The following YIPF4 variants were observed in gnomAD, a reference collection of about 807,000 sequenced individuals.
The protein encoded by YIPF4 is protein YIPF4.
YIPF4 carries 18 observed loss-of-function variants against 29.4 expected under a neutral mutation model. That is an observed-to-expected ratio of 0.61 (90% CI 0.42 to 0.91). The LOEUF (loss-of-function observed/expected upper bound fraction) is 0.91. YIPF4 is among the 40% of genes least tolerant of loss of function. The probability of loss-of-function intolerance (pLI) is 0.00; values close to 1 mark genes in which losing one functional copy is unlikely to be tolerated. For synonymous variants in YIPF4, 115 were observed against 104.7 expected, an observed-to-expected ratio of 1.10 and a Z score of -0.60; for missense variants, 279 against 282.7, an observed-to-expected ratio of 0.99 and a Z score of 0.09.
chr2:32,307,312 G>A lies in YIPF4; in HGVS notation c.*1686G>A, dbSNP rs1217813532. On this transcript the variant is annotated 3_prime_UTR_variant, in exon 6 of 6. Transcript: ENST00000238831. ...TCTTTCACAGAAAGCTTGGGGGTCA[G>A]GACCAGGAGGTAGAATTTTACAAGG... The A allele has an allele frequency of 2.8e-5, 7 of 253,508 alleles. No individual in the cohort carries two copies. The highest frequency in any genetic ancestry group is 5.1e-5 in the Non-Finnish European group (7 of 136,898). The allele number at this position is 253,508 out of a possible 1,614,324, so 15.7% of individuals were successfully genotyped here. A position where few individuals can be genotyped will look rare whatever the true frequency, so the allele number is the denominator to read the frequency against.
chr2:32,299,241 C>A (rs2031307449), intron 4 of YIPF4, among the ~76,000 whole-genome samples: 1 of 152,072 alleles, frequency 6.6e-6, no homozygotes, highest in Non-Finnish European at 1.5e-5. Context: ...TAACAATAAA[C>A]CAACTACATT....
chr2:32,306,380 G>A lies in YIPF4; in HGVS notation c.*754G>A, dbSNP rs1270175451. ...TTTCTGTTTATCTTTCTGACCAAAG[G>A]AGCAAGAGGTATAATGGATATGGCA... On this transcript the variant is annotated 3_prime_UTR_variant, in exon 6 of 6. Coordinates refer to ENST00000238831, the MANE Select transcript of YIPF4 (RefSeq NM_032312.4). 1.0e-6 allele frequency: 1 copy of A among 985,460 alleles called. No homozygotes were observed. Among genetic ancestry groups the A allele is most frequent in the Non-Finnish European group, 1.2e-6 (1 of 829,794 alleles). The allele number at this position is 985,460 out of a possible 1,614,324, so 61.0% of individuals were successfully genotyped here.
At position 32,310,897 on chromosome 2, in the gene YIPF4, A is replaced by C. The variant is rs1336021588; in HGVS notation, c.*5271A>C. On this transcript the variant is annotated 3_prime_UTR_variant, in exon 6 of 6. Coordinates refer to ENST00000238831, the MANE Select transcript of YIPF4 (RefSeq NM_032312.4). The stretch of plus-strand genomic sequence containing the variant: ...TCTCAGAAAAGAAAAAAAAAGTAAA[A>C]ATTGCATGTAAGTTGACCCGCACTA... 6.6e-6 allele frequency: 1 copy of C among 151,588 alleles called. No individual in the cohort carries two copies. Among genetic ancestry groups the C allele is most frequent in the Non-Finnish European group, 1.5e-5 (1 of 67,946 alleles). The allele number at this position is 151,588 out of a possible 1,614,324, so 9.4% of individuals were successfully genotyped here. A position where few individuals can be genotyped will look rare whatever the true frequency, so the allele number is the denominator to read the frequency against.
At chr2:32,285,949 A>G (rs1004809244) in intron 1 of YIPF4, among the ~76,000 whole-genome samples, 9 of 152,198 alleles carry the variant, frequency 5.9e-5, no homozygotes, top group Non-Finnish European at 1.3e-4. Flanking sequence ...TTTCTATACA[A>G]TATGCTGGTG....
chr2:32,305,334 A>G (rs2031539166), intron 5 of YIPF4, among the ~76,000 whole-genome samples, 155 bp from the exon 6 acceptor site: 1 of 152,228 alleles, frequency 6.6e-6, no homozygotes, highest in Non-Finnish European at 1.5e-5. Context: ...GACATTCTTA[A>G]TAAGTTTTTA....
At chr2:32,304,910 C>T (rs570405011) in intron 5 of YIPF4, among the ~76,000 whole-genome samples, 1 of 152,132 alleles carries the variant, frequency 6.6e-6, no homozygotes, top group African/African-American at 2.4e-5. Flanking sequence ...AAAATGTGAT[C>T]TTTTTATCTC....
rs985403858 is a variant in YIPF4 at position 32,293,119 on chromosome 2, C to A, written c.405+771C>A. Among the ~76,000 whole-genome samples, 78 of 149,260 alleles carry A rather than the reference C, an allele frequency of 5.2e-4. 1 individual carries two copies. The highest frequency in any genetic ancestry group is 9.2e-4 in the Non-Finnish European group (62 of 67,618). On this transcript the variant is annotated intron_variant, in intron 3 of 5. Transcript: ENST00000238831. ...ATTGATCATTCTTGGGTGTTTCTCG[C>A]AGAGGGGGATTTGGCAGGGTCATAG... is the stretch of plus-strand genomic sequence containing the variant.
intron 1 of YIPF4, among the ~76,000 whole-genome samples, chr2:32,285,719 G>C (rs576630724): frequency 6.7e-6 from 1 of 149,770 alleles, no homozygotes; most frequent in Non-Finnish European, 1.5e-5. Flanking sequence ...GCAGTGGTGC[G>C]ATCTCAGCTC....
chr2:32,288,097 G>A (rs2030753542), intron 1 of YIPF4, among the ~76,000 whole-genome samples: 1 of 152,134 alleles, frequency 6.6e-6, no homozygotes, highest in South Asian at 2.1e-4. Context: ...TTGATAACAT[G>A]TTAAACTACT....
Position 32,306,990 on chromosome 2 carries a change from C to T in YIPF4, c.*1364C>T. On this transcript the variant is annotated 3_prime_UTR_variant, in exon 6 of 6. Coordinates refer to ENST00000238831, the MANE Select transcript of YIPF4 (RefSeq NM_032312.4). ...ATCAAGCCCAGCCGTCTTCCTTTCC[C>T]CTAATCCCAAAAGGAAAGAAAGAAA... 3.1e-6 allele frequency: 2 copies of T among 636,912 alleles called. No individual in the cohort carries two copies. The highest frequency in any genetic ancestry group is 4.6e-6 in the Non-Finnish European group (2 of 430,990). The allele number at this position is 636,912 out of a possible 1,614,324, so 39.5% of individuals were successfully genotyped here.
rs1347278231 is a variant in YIPF4 at position 32,316,242 on chromosome 2, C to T, written c.*10616C>T. 1 of 152,002 alleles carries T rather than the reference C, an allele frequency of 6.6e-6. No homozygotes were observed. Among genetic ancestry groups the T allele is most frequent in the African/African-American group, 2.4e-5 (1 of 41,386 alleles). 9.4% of individuals were successfully genotyped at this position (152,002 alleles called of 1,614,324 possible). ...TAAATTTAAATGGGCAAAGGAAATA[C>T]TTGGACAATCATATCATGTATGTAA... On this transcript the variant is annotated 3_prime_UTR_variant, in exon 6 of 6. Transcript: ENST00000238831.
At chr2:32,286,606 C>A (rs1005001688) in intron 1 of YIPF4, among the ~76,000 whole-genome samples, 3 of 151,696 alleles carry the variant, frequency 2.0e-5, no homozygotes, top group African/African-American at 7.3e-5. Context: ...AGTGCAGTGG[C>A]GCGATCTCAG....
chr2:32,298,923 G>A (rs1248783363), intron 4 of YIPF4, among the ~76,000 whole-genome samples: 2 of 151,506 alleles, frequency 1.3e-5, no homozygotes, highest in Admixed American at 6.6e-5. Context: ...TGTCACCCAG[G>A]CTGGAGTACA....
At position 32,306,612 on chromosome 2, in the gene YIPF4, T is replaced by C. The variant is rs6741519; in HGVS notation, c.*986T>C. ...GCACCATGTCCTGTATTACTTGATA[T>C]TTTAACAAGTATCAGGTACTCTCTA... On this transcript the variant is annotated 3_prime_UTR_variant, in exon 6 of 6. Transcript: ENST00000238831. The C allele has an allele frequency of 0.019, 18,521 of 983,388 alleles. 397 individuals are homozygous for C. Among genetic ancestry groups the C allele is most frequent in the African/African-American group, 0.1 (5,890 of 57,292 alleles). 60.9% of individuals were successfully genotyped at this position (983,388 alleles called of 1,614,324 possible).
chr2:32,286,072 T>C (rs1285806163), intron 1 of YIPF4, among the ~76,000 whole-genome samples: 4 of 152,228 alleles, frequency 2.6e-5, no homozygotes, highest in Non-Finnish European at 5.9e-5. Flanking sequence ...AGGTTTACTT[T>C]TTTCATTAAT....
rs762476369 is a variant in YIPF4 at position 32,290,499 on chromosome 2, A to G, written c.96A>G (p.Ile32Met). 2 of 1,565,830 alleles carry G rather than the reference A, an allele frequency of 1.3e-6. No individual in the cohort carries two copies. The highest frequency in any genetic ancestry group is 1.7e-6 in the Non-Finnish European group (2 of 1,157,320). The part of the protein sequence containing the change: ...SADAEDLSGS[I>M]ASPDVKLNLG... Reference sequence around the variant, plus strand: ...TCTCCTAAGATCTCAGTGGTTCAATAGCATCCCCAGATGTCAAATTAAATC... The same window carrying G: ...TCTCCTAAGATCTCAGTGGTTCAATGGCATCCCCAGATGTCAAATTAAATC... Residue 32 changes from isoleucine to methionine, a missense_variant, in exon 2 of 6, where the codon ATA (isoleucine) becomes ATG (methionine). Physicochemically the swap from Ile to Met is conservative, Grantham distance 10. Transcript: ENST00000238831.
At position 32,315,320 on chromosome 2, in the gene YIPF4, G is replaced by A. The variant is rs1316933134; in HGVS notation, c.*9694G>A. On this transcript the variant is annotated 3_prime_UTR_variant, in exon 6 of 6. Coordinates refer to ENST00000238831, the MANE Select transcript of YIPF4 (RefSeq NM_032312.4). ...GAACTGAATCACATAGCCATCCCTT[G>A]CTGTAAGAGAGTTGGGGAAAGTATT... 1 of 152,178 alleles carries A rather than the reference G, an allele frequency of 6.6e-6. No homozygotes were observed. The highest frequency in any genetic ancestry group is 6.6e-5 in the Admixed American group (1 of 15,258). The allele number at this position is 152,178 out of a possible 1,614,324, so 9.4% of individuals were successfully genotyped here. A position where few individuals can be genotyped will look rare whatever the true frequency, so the allele number is the denominator to read the frequency against.
Position 32,314,710 on chromosome 2 carries a change from G to C in YIPF4, c.*9084G>C, listed in dbSNP as rs2031787884. On this transcript the variant is annotated 3_prime_UTR_variant, in exon 6 of 6. Transcript: ENST00000238831. ...AAAAAATAAGGCTCCAAGCGCTGTT[G>C]TGAGGGTTAAATGAACTAGATAATT... The C allele has an allele frequency of 6.6e-6, 1 of 152,014 alleles. No homozygotes were observed. Among genetic ancestry groups the C allele is most frequent in the African/African-American group, 2.4e-5 (1 of 41,394 alleles). The allele number at this position is 152,014 out of a possible 1,614,324, so 9.4% of individuals were successfully genotyped here.
intron 5 of YIPF4, among the ~76,000 whole-genome samples, chr2:32,303,353 C>T (rs963266039): frequency 1.3e-5 from 2 of 152,180 alleles, no homozygotes. Flanking sequence ...GAGTGAGACC[C>T]TGTCTCTGCC....
Sources: allele counts gnomAD v4.1 joint callset (sites outside exome capture counted in the v4.1 genomes callset), GRCh38; gene constraint gnomAD v4.1.1; transcripts MANE v1.5; gene names NCBI Gene and HGNC (gene_info 2026-07-23, HGNC 2026-07-21).